CSMD1: variants seen among roughly 807,000 people sequenced by gnomAD.
CSMD1 encodes the protein CUB and sushi domain-containing protein 1.
A neutral mutation model predicts 417.5 loss-of-function variants in CSMD1; 213 were observed. The ratio of observed to expected loss-of-function variants is 0.51; its 90% CI spans 0.46 to 0.57. The LOEUF is 0.57. Among genes scored for constraint, CSMD1 ranks in the 20% least tolerant of loss-of-function variants. The probability of loss-of-function intolerance (pLI) is 0.00; values close to 1 mark genes in which losing one functional copy is unlikely to be tolerated. For synonymous variants in CSMD1, 2,862 were observed against 1,736.8 expected (o/e 1.65, Z -16.11); for missense variants, 6,923 against 4,529.7 (o/e 1.53, Z -15.17).
chr8:3,909,584 G>C (rs1337244344), intron 5 of CSMD1, among the ~76,000 whole-genome samples: 2 of 152,054 alleles, frequency 1.3e-5, no homozygotes, highest in African/African-American at 2.4e-5. Context: ...GTGGCATAGA[G>C]GGAAAACTTC....
intron 2 of CSMD1, among the ~76,000 whole-genome samples, chr8:4,421,372 C>A (rs1025298808): frequency 6.6e-6 from 1 of 152,126 alleles, no homozygotes; most frequent in Non-Finnish European, 1.5e-5. Context: ...CCAGCAAGAA[C>A]AGAGTACACA....
intron 3 of CSMD1, among the ~76,000 whole-genome samples, chr8:4,060,061 C>T (rs1300475514): frequency 2.6e-5 from 4 of 152,122 alleles, no homozygotes; most frequent in African/African-American, 4.8e-5. Context: ...ACTGGCAAAC[C>T]GAATCCAGCA....
At chr8:4,407,860 G>C (rs375076014) in intron 3 of CSMD1, among the ~76,000 whole-genome samples, 1 of 152,090 alleles carries the variant, frequency 6.6e-6, no homozygotes, top group South Asian at 2.1e-4. Context: ...ATCAGATGTG[G>C]AATGTTGAAA....
chr8:3,390,020 C>T lies in CSMD1; in HGVS notation c.2594-2338G>A, dbSNP rs533314610. 5.3e-5 allele frequency among the ~76,000 whole-genome samples: 8 copies of T among 152,020 alleles called. No individual in the cohort carries two copies. In the East Asian group the frequency reaches 1.5e-3, roughly 29 times the overall value. ...GATTTCCAGTTCAACTGAAACTGGC[C>T]ATGTAAAAGAATCCTGAAACAAGAA... On this transcript the variant is annotated intron_variant, in intron 17 of 69. Transcript: ENST00000635120.
chr8:4,465,545 G>C (rs1231856575), intron 2 of CSMD1, among the ~76,000 whole-genome samples: 4 of 152,122 alleles, frequency 2.6e-5, no homozygotes, highest in Non-Finnish European at 5.9e-5. Flanking sequence ...TCCACTCTCA[G>C]AATGGAAGTC....
At chr8:4,590,527 A>G (rs2130730184) in intron 2 of CSMD1, among the ~76,000 whole-genome samples, 1 of 152,278 alleles carries the variant, frequency 6.6e-6, no homozygotes, top group South Asian at 2.1e-4. Flanking sequence ...CTAGCATAAT[A>G]CCTGGAATTA....
At chr8:3,243,035 C>T (rs1043587399) in intron 26 of CSMD1, among the ~76,000 whole-genome samples, 4 of 152,086 alleles carry the variant, frequency 2.6e-5, no homozygotes, top group African/African-American at 9.7e-5. Context: ...TAAAACGTGT[C>T]TCCTTTGTCT....
chr8:4,222,139 C>T (rs1801068812), intron 3 of CSMD1, among the ~76,000 whole-genome samples: 1 of 151,892 alleles, frequency 6.6e-6, no homozygotes, highest in Non-Finnish European at 1.5e-5. Flanking sequence ...AGAAGAGAAC[C>T]TTCACAGAGC....
At chr8:3,610,959 G>A (rs1301287438) in intron 8 of CSMD1, among the ~76,000 whole-genome samples, 1 of 151,666 alleles carries the variant, frequency 6.6e-6, no homozygotes, top group African/African-American at 2.4e-5. Context: ...GCACCAGGCA[G>A]TAGGAGAGAA....
At chr8:4,341,784 T>C (rs549831946) in intron 3 of CSMD1, among the ~76,000 whole-genome samples, 90 of 152,242 alleles carry the variant, frequency 5.9e-4, no homozygotes, top group Non-Finnish European at 1.1e-3. Context: ...TGTGCAGATT[T>C]CAGTGCCCAT....
At chr8:4,402,317 C>G (rs571685829) in intron 3 of CSMD1, among the ~76,000 whole-genome samples, 1 of 152,132 alleles carries the variant, frequency 6.6e-6, no homozygotes, top group East Asian at 1.9e-4. Context: ...TTCCCTCCTT[C>G]AAATCTATAC....
At chr8:4,815,871 C>A (rs566572799) in intron 1 of CSMD1, among the ~76,000 whole-genome samples, 1 of 151,982 alleles carries the variant, frequency 6.6e-6, no homozygotes, top group African/African-American at 2.4e-5. Context: ...AAGAGTGGGA[C>A]TGCTTTGTGT....
At chr8:3,721,893 C>G (rs576585987) in intron 6 of CSMD1, among the ~76,000 whole-genome samples, 24 of 152,226 alleles carry the variant, frequency 1.6e-4, no homozygotes, top group East Asian at 1.9e-4. Flanking sequence ...CGTTAAGTAG[C>G]TGACTGTCCA....
chr8:3,407,918 C>A lies in CSMD1; in HGVS notation c.2052G>T (p.Gly684=), dbSNP rs755136474. Residue 684 remains glycine, a synonymous_variant, in exon 14 of 70, where the codon GGG becomes GGT. Transcript: ENST00000635120. Reference sequence around the variant, plus strand: ...ACTTACTGGTGTAAGTGATGTTGAACCCTCTGCCAGTAGTGGAATGGTCAG... The same window carrying A: ...ACTTACTGGTGTAAGTGATGTTGAAACCTCTGCCAGTAGTGGAATGGTCAG... The part of the protein sequence containing the change: ...FQSDHSTTGR[G]FNITYTTFGQ... 1.2e-6 allele frequency: 2 copies of A among 1,610,806 alleles called. No individual in the cohort carries two copies.
At chr8:3,418,700 A>T (rs1252933269) in intron 12 of CSMD1, among the ~76,000 whole-genome samples, 1 of 152,172 alleles carries the variant, frequency 6.6e-6, no homozygotes, top group Non-Finnish European at 1.5e-5. Context: ...AGCAAGAGAA[A>T]TCTACATTAA....
intron 2 of CSMD1, among the ~76,000 whole-genome samples, chr8:4,483,426 C>T (rs186390281): frequency 7.7e-4 from 118 of 152,314 alleles, no homozygotes; most frequent in African/African-American, 2.8e-3. Context: ...AAGATAAAAA[C>T]AAGTCATTAC....
intron 4 of CSMD1, among the ~76,000 whole-genome samples, chr8:4,003,717 G>A (rs181225247): frequency 3.8e-4 from 58 of 152,206 alleles, no homozygotes; most frequent in African/African-American, 1.4e-3. Flanking sequence ...AGTGCTTCAG[G>A]CGATTTACCA....
chr8:4,617,177 C>A (rs111353096), intron 2 of CSMD1, among the ~76,000 whole-genome samples: 20 of 152,170 alleles, frequency 1.3e-4, no homozygotes, highest in African/African-American at 4.3e-4. Flanking sequence ...TGCTCTTATG[C>A]CACTTTGATT....
intron 4 of CSMD1, among the ~76,000 whole-genome samples, chr8:4,013,465 T>C (rs1478679238): frequency 6.6e-6 from 1 of 152,144 alleles, no homozygotes; most frequent in Non-Finnish European, 1.5e-5. Flanking sequence ...TTCCAGGACA[T>C]GGGATCTTAG....
Sources: gnomAD v4.1 joint callset for allele counts (sites outside exome capture counted in the v4.1 genomes callset) on GRCh38, gnomAD v4.1.1 for gene constraint, MANE v1.5 for transcripts, NCBI Gene and HGNC (gene_info 2026-07-23, HGNC 2026-07-21) for gene names.